The following NKAIN3 variants were observed in gnomAD, a reference collection of about 807,000 sequenced individuals.
NKAIN3 encodes the protein sodium/potassium transporting ATPase interacting 3, also known as sodium/potassium-transporting ATPase subunit beta-1-interacting protein 3.
A neutral mutation model predicts 30.2 loss-of-function variants in NKAIN3; 25 were observed. That is an observed-to-expected ratio of 0.83 (90% CI 0.60 to 1.16). NKAIN3 has a LOEUF of 1.16. Among genes scored for constraint, NKAIN3 ranks in the 50% most tolerant of loss-of-function variants. The pLI is 0.00. For synonymous variants in NKAIN3, 91 were observed against 89.6 expected (o/e 1.02, Z -0.09); for missense variants, 225 against 254.1 (o/e 0.89, Z 0.78).
chr8:62,544,729 C>A (rs1024926462), intron 1 of NKAIN3, among the ~76,000 whole-genome samples: 2 of 151,768 alleles, frequency 1.3e-5, no homozygotes, highest in African/African-American at 4.8e-5. Flanking sequence ...TACAAACAAT[C>A]CTTGAACAAC....
intron 4 of NKAIN3, among the ~76,000 whole-genome samples, chr8:62,761,084 A>G (rs968276421): frequency 3.3e-5 from 5 of 151,886 alleles, no homozygotes; most frequent in African/African-American, 4.8e-5. Flanking sequence ...AAATTTTTTA[A>G]TTTTTCTTTT....
intron 3 of NKAIN3, among the ~76,000 whole-genome samples, chr8:62,704,509 G>A (rs756486675): frequency 2.0e-5 from 3 of 152,048 alleles, no homozygotes; most frequent in Non-Finnish European, 2.9e-5. Context: ...TTACTCAAAC[G>A]TCTAACAATT....
At chr8:62,489,090 C>A (rs1806990314) in intron 1 of NKAIN3, among the ~76,000 whole-genome samples, 1 of 152,096 alleles carries the variant, frequency 6.6e-6, no homozygotes, top group African/African-American at 2.4e-5. Flanking sequence ...GATCTTGGCT[C>A]ACTGCAAGCC....
chr8:62,521,688 G>A (rs1808165341), intron 1 of NKAIN3, among the ~76,000 whole-genome samples: 1 of 152,152 alleles, frequency 6.6e-6, no homozygotes, highest in African/African-American at 2.4e-5. Context: ...CTGGATTGCA[G>A]CATCTGGCTC....
At chr8:62,414,931 A>G (rs1451858) in intron 1 of NKAIN3, among the ~76,000 whole-genome samples, 105,527 of 150,312 alleles carry the variant, frequency 0.7, 37,297 homozygotes, top group Non-Finnish European at 0.73. Context: ...TGTAGGATTA[A>G]GATCATGTGT....
Position 62,726,293 on chromosome 8 carries a change from TG to T in NKAIN3, c.274-20637del, listed in dbSNP as rs554975324. Among the ~76,000 whole-genome samples, 440 of 152,222 alleles carry T rather than the reference TG, an allele frequency of 2.9e-3. 1 individual carries two copies. Among genetic ancestry groups the T allele is most frequent in the Non-Finnish European group, 5.1e-3 (345 of 67,930 alleles). On this transcript the variant is annotated intron_variant, in intron 3 of 6. Coordinates refer to ENST00000623646, the MANE Select transcript of NKAIN3 (RefSeq NM_001304533.3). ...ACGCATAACTTTTTCCTTACCAATT[TG>T]GATGTCCTTTATTTCCTTCTCTTTT... is the stretch of plus-strand genomic sequence containing the variant.
intron 1 of NKAIN3, among the ~76,000 whole-genome samples, chr8:62,343,572 G>A (rs1382012257): frequency 6.6e-6 from 1 of 152,014 alleles, no homozygotes; most frequent in Admixed American, 6.6e-5. Context: ...CACTTTGGGA[G>A]GCTAAGGCAG....
intron 4 of NKAIN3, among the ~76,000 whole-genome samples, chr8:62,844,037 G>C (rs1563589175): frequency 2.0e-5 from 3 of 152,114 alleles, no homozygotes; most frequent in Admixed American, 1.3e-4. Context: ...AGTGACTTGA[G>C]GCACTCGCAA....
Position 62,980,436 on chromosome 8 carries a change from T to C in NKAIN3, c.*15029T>C, listed in dbSNP as rs1410680162. 1.3e-5 allele frequency: 2 copies of C among 152,198 alleles called. No homozygotes were observed. Among genetic ancestry groups the C allele is most frequent in the African/African-American group, 4.8e-5 (2 of 41,456 alleles). 9.4% of individuals were successfully genotyped at this position (152,198 alleles called of 1,614,324 possible). A position where few individuals can be genotyped will look rare whatever the true frequency, so the allele number is the denominator to read the frequency against. On this transcript the variant is annotated 3_prime_UTR_variant, in exon 7 of 7. Coordinates refer to ENST00000623646, the MANE Select transcript of NKAIN3 (RefSeq NM_001304533.3). Reference sequence around the variant, plus strand: ...TCAGATATGAAACCAAGCATAATCATTGCAATTATTTCTACTGTATTCAGA... The same window carrying C: ...TCAGATATGAAACCAAGCATAATCACTGCAATTATTTCTACTGTATTCAGA...
intron 1 of NKAIN3, among the ~76,000 whole-genome samples, chr8:62,381,602 A>G (rs1337786101): frequency 6.6e-6 from 1 of 152,100 alleles, no homozygotes; most frequent in Non-Finnish European, 1.5e-5. Context: ...AGCCTGCCCC[A>G]TAGTAGGTAA....
intron 3 of NKAIN3, among the ~76,000 whole-genome samples, chr8:62,728,788 C>T (rs112945133): frequency 0.029 from 4,399 of 151,734 alleles, 207 homozygotes; most frequent in African/African-American, 0.1. Flanking sequence ...CAGGAGATAG[C>T]GACCAGCCTG....
chr8:62,258,301 A>T (rs1812322102), intron 1 of NKAIN3, among the ~76,000 whole-genome samples: 1 of 152,184 alleles, frequency 6.6e-6, no homozygotes, highest in South Asian at 2.1e-4. Context: ...TACTTGAACT[A>T]TTTCCTTAGG....
At chr8:62,395,668 C>G (rs1392075951) in intron 1 of NKAIN3, among the ~76,000 whole-genome samples, 1 of 152,192 alleles carries the variant, frequency 6.6e-6, no homozygotes, top group African/African-American at 2.4e-5. Context: ...TATCCACACA[C>G]ATACATATAT....
intron 1 of NKAIN3, among the ~76,000 whole-genome samples, chr8:62,410,281 A>G (rs1383166691): frequency 6.6e-6 from 1 of 152,162 alleles, no homozygotes; most frequent in Non-Finnish European, 1.5e-5. Context: ...GCTGCAAATG[A>G]CATGATTTAT....
At chr8:62,694,118 A>G (rs1814076713) in intron 3 of NKAIN3, among the ~76,000 whole-genome samples, 1 of 152,200 alleles carries the variant, frequency 6.6e-6, no homozygotes, top group Non-Finnish European at 1.5e-5. Context: ...ATTTTGAGAT[A>G]CACAATAAAT....
chr8:62,438,561 C>G (rs934167888), intron 1 of NKAIN3, among the ~76,000 whole-genome samples: 1 of 152,022 alleles, frequency 6.6e-6, no homozygotes, highest in South Asian at 2.1e-4. Flanking sequence ...TCATGAATAG[C>G]CACTATTTTT....
At chr8:62,362,518 C>A (rs941622394) in intron 1 of NKAIN3, among the ~76,000 whole-genome samples, 2 of 152,088 alleles carry the variant, frequency 1.3e-5, no homozygotes, top group Non-Finnish European at 2.9e-5. Flanking sequence ...ACCCATGAGA[C>A]ATTGGAAACT....
intron 1 of NKAIN3, among the ~76,000 whole-genome samples, chr8:62,350,298 T>C (rs1323611028): frequency 6.6e-6 from 1 of 152,222 alleles, no homozygotes; most frequent in East Asian, 1.9e-4. Flanking sequence ...AAAAGGAATG[T>C]AATTTCAATA....
chr8:62,356,650 A>G (rs776749465), intron 1 of NKAIN3, among the ~76,000 whole-genome samples: 4 of 152,174 alleles, frequency 2.6e-5, no homozygotes, highest in African/African-American at 7.2e-5. Context: ...GGCAGGCTCT[A>G]TGATCACCTG....
Sources: gnomAD v4.1 joint callset for allele counts (sites outside exome capture counted in the v4.1 genomes callset) on GRCh38, gnomAD v4.1.1 for gene constraint, MANE v1.5 for transcripts, NCBI Gene and HGNC (gene_info 2026-07-23, HGNC 2026-07-21) for gene names.